GRAMD1C: variants seen among roughly 807,000 people sequenced by gnomAD.
GRAMD1C encodes protein Aster-C.
In GRAMD1C, 89 loss-of-function variants were observed where a neutral mutation model predicts 97.8. That is an observed-to-expected ratio of 0.91 (90% CI 0.77 to 1.09). The LOEUF (loss-of-function observed/expected upper bound fraction) is 1.09, where lower values mean the gene tolerates loss of function less well. Among genes scored for constraint, GRAMD1C ranks in the 50% least tolerant of loss-of-function variants. GRAMD1C has a pLI of 0.00. For synonymous variants in GRAMD1C, 256 were observed against 267.0 expected (o/e 0.96, Z 0.40); for missense variants, 740 against 766.4 (o/e 0.97, Z 0.41).
chr3:113,896,951 AATT>A (rs2107438377), intron 6 of GRAMD1C, among the ~76,000 whole-genome samples: 1 of 152,330 alleles, frequency 6.6e-6, no homozygotes, highest in South Asian at 2.1e-4. Flanking sequence ...ACTGCCAGGG[AATT>A]ATTCTAAATA....
Position 113,947,046 on chromosome 3 carries a change from A to ACT in GRAMD1C, c.*1569_*1570dup, listed in dbSNP as rs1442793472. 6.6e-6 allele frequency: 1 copy of ACT among 152,244 alleles called. No homozygotes were observed. The highest frequency in any genetic ancestry group is 1.5e-5 in the Non-Finnish European group (1 of 68,038). 9.4% of individuals were successfully genotyped at this position (152,244 alleles called of 1,614,324 possible). A position where few individuals can be genotyped will look rare whatever the true frequency, so the allele number is the denominator to read the frequency against. On this transcript the variant is annotated 3_prime_UTR_variant, in exon 18 of 18. Transcript: ENST00000358160. ...ATTTAAACGTTGTATTTTATAACATACTTCAAGGAAGAGTATCGAAGTAAG... is the reference window on the plus strand; with the variant it reads ...ATTTAAACGTTGTATTTTATAACATACTCTTCAAGGAAGAGTATCGAAGTAAG...
intron 17 of GRAMD1C, among the ~76,000 whole-genome samples, chr3:113,942,212 C>T (rs1231159280): frequency 6.6e-6 from 1 of 150,390 alleles, no homozygotes; most frequent in Non-Finnish European, 1.5e-5. Context: ...CTGCTCCCAG[C>T]TGCAATTTTT....
chr3:113,876,284 A>G (rs1935030210), intron 5 of GRAMD1C, 24 bp downstream of exon 5: 5 of 1,208,554 alleles, frequency 4.1e-6, no homozygotes, highest in South Asian at 1.2e-5. Context: ...TATCTTTGTT[A>G]TATTACATAA....
chr3:113,882,020 C>G (rs536059938), intron 5 of GRAMD1C, among the ~76,000 whole-genome samples: 1 of 152,240 alleles, frequency 6.6e-6, no homozygotes, highest in African/African-American at 2.4e-5. Flanking sequence ...CTAAGGATAA[C>G]TGCTGAGCCA....
intron 9 of GRAMD1C, among the ~76,000 whole-genome samples, chr3:113,910,746 G>A (rs1577194287): frequency 6.6e-6 from 1 of 152,142 alleles, no homozygotes; most frequent in East Asian, 1.9e-4. Flanking sequence ...GGCTGCTGAT[G>A]GAGCTGAAGA....
At chr3:113,920,619 G>T (rs1440448547) in intron 10 of GRAMD1C, among the ~76,000 whole-genome samples, 1 of 152,104 alleles carries the variant, frequency 6.6e-6, no homozygotes, top group Non-Finnish European at 1.5e-5. Flanking sequence ...TCGGCTCACT[G>T]CAACCTCCGC....
intron 6 of GRAMD1C, among the ~76,000 whole-genome samples, chr3:113,884,037 A>G (rs147740285): frequency 5.3e-4 from 80 of 152,308 alleles, no homozygotes; most frequent in African/African-American, 1.7e-3. Context: ...CCAACTTTCA[A>G]TGAGAGATAG....
intron 1 of GRAMD1C, among the ~76,000 whole-genome samples, chr3:113,841,859 G>C (rs1387690843): frequency 6.6e-6 from 1 of 152,026 alleles, no homozygotes; most frequent in African/African-American, 2.4e-5. Flanking sequence ...CACTATGCCA[G>C]GCTAATCTTT....
At chr3:113,921,576 A>G (rs1937056388) in intron 10 of GRAMD1C, among the ~76,000 whole-genome samples, 1 of 152,240 alleles carries the variant, frequency 6.6e-6, no homozygotes, top group Non-Finnish European at 1.5e-5. Context: ...CACTCCCAGA[A>G]GCAGTGTACA....
Position 113,829,511 on chromosome 3 carries a change from C to CAAA in GRAMD1C, n.98+1240_98+1242dup, listed in dbSNP as rs112942843. On this transcript the variant is annotated intron_variant and non_coding_transcript_variant, in intron 1 of 18. Transcript: ENST00000479212. ...TTCTGTGTTTGCATTTGTGCAACTA[C>CAAA]AAAAAAAAAATGACACAACTGTGGA... Among the ~76,000 whole-genome samples, 1,432 of 147,614 alleles carry CAAA rather than the reference C, an allele frequency of 9.7e-3. 18 individuals carry two copies. The highest frequency in any genetic ancestry group is 0.032 in the African/African-American group (1,278 of 40,520).
chr3:113,865,560 T>G (rs1402062017), intron 2 of GRAMD1C, among the ~76,000 whole-genome samples: 1 of 152,194 alleles, frequency 6.6e-6, no homozygotes, highest in Non-Finnish European at 1.5e-5. Context: ...GAAGATGCTA[T>G]TTTTGAAAAT....
chr3:113,832,352 G>T (rs965286546), intron 1 of GRAMD1C, among the ~76,000 whole-genome samples: 1 of 152,082 alleles, frequency 6.6e-6, no homozygotes, highest in African/African-American at 2.4e-5. Flanking sequence ...TGAAAATCAG[G>T]TTGTACACCT....
rs751424806 is a variant in GRAMD1C at position 113,933,523 on chromosome 3, G to C, written c.1222G>C (p.Glu408Gln). The C allele has an allele frequency of 6.2e-7, 1 of 1,610,896 alleles. No homozygotes were observed. The highest frequency in any genetic ancestry group is 1.7e-5 in the Admixed American group (1 of 59,978). ...CTTACTTTGGCAGACACTGTATAAAGAAAGTCGGGAAGCACGATTTTATTT... is the reference window on the plus strand; with the variant it reads ...CTTACTTTGGCAGACACTGTATAAACAAAGTCGGGAAGCACGATTTTATTT... Reference protein sequence around the residue: ...AATEKQTLYKESREARFYLVD... With the variant: ...AATEKQTLYKQSREARFYLVD... The change falls in exon 12 of 18, where the codon GAA becomes CAA. Residue 408 changes from glutamate to glutamine, a missense_variant. Coordinates refer to ENST00000358160, the MANE Select transcript of GRAMD1C (RefSeq NM_017577.5).
intron 6 of GRAMD1C, among the ~76,000 whole-genome samples, chr3:113,895,773 G>A (rs765299071): frequency 1.8e-4 from 28 of 152,010 alleles, no homozygotes; most frequent in Non-Finnish European, 3.4e-4. Context: ...CTTCTACCCA[G>A]TCACCCAAGC....
intron 1 of GRAMD1C, among the ~76,000 whole-genome samples, chr3:113,842,530 G>T (rs993024379): frequency 2.0e-5 from 3 of 150,916 alleles, no homozygotes; most frequent in Non-Finnish European, 4.4e-5. Context: ...TCTTTTTGGA[G>T]GTTACTGGAT....
intron 2 of GRAMD1C, among the ~76,000 whole-genome samples, chr3:113,848,995 A>ACAAC (rs1278601878): frequency 9.9e-5 from 15 of 151,430 alleles, no homozygotes; most frequent in Admixed American, 4.6e-4. Context: ...AAACAAACAA[A>ACAAC]CAACCAAAAA....
intron 13 of GRAMD1C, 120 bp from the exon 14 acceptor site, chr3:113,936,146 G>A (rs1937573523): frequency 1.7e-6 from 1 of 603,288 alleles, no homozygotes; most frequent in Admixed American, 3.2e-5. Context: ...TTTGAATCTA[G>A]GTCATAAGAA....
At chr3:113,829,676 A>G (rs1401805340) in intron 1 of GRAMD1C, among the ~76,000 whole-genome samples, 3 of 152,026 alleles carry the variant, frequency 2.0e-5, no homozygotes, top group Admixed American at 2.0e-4. Flanking sequence ...CTCTCTTGGC[A>G]CACAATTTTT....
At chr3:113,912,152 G>A (rs1936626480) in intron 9 of GRAMD1C, among the ~76,000 whole-genome samples, 2 of 152,096 alleles carry the variant, frequency 1.3e-5, no homozygotes, top group South Asian at 4.2e-4. Context: ...TACTTCCTAT[G>A]GTTAGAGTGA....
Sources: gnomAD v4.1 joint callset for allele counts (sites outside exome capture counted in the v4.1 genomes callset) on GRCh38, gnomAD v4.1.1 for gene constraint, MANE v1.5 for transcripts, NCBI Gene and HGNC (gene_info 2026-07-23, HGNC 2026-07-21) for gene names.